The following COL5A2 variants were observed in gnomAD, a reference collection of about 807,000 sequenced individuals.
The protein encoded by COL5A2 is collagen type V alpha 2 chain.
In COL5A2, 23 loss-of-function variants were observed where a neutral mutation model predicts 208.2. That is an observed-to-expected ratio of 0.11 (90% CI 0.08 to 0.16). The LOEUF (loss-of-function observed/expected upper bound fraction) is 0.16, where lower values mean the gene tolerates loss of function less well. Among genes scored for constraint, COL5A2 ranks in the 10% least tolerant of loss-of-function variants. The pLI, the probability that COL5A2 is intolerant of heterozygous loss-of-function variation, is 1.00. For synonymous variants in COL5A2, 625 were observed against 628.5 expected, an observed-to-expected ratio of 0.99 and a Z score of 0.08; for missense variants, 1,590 against 1,956.4, an observed-to-expected ratio of 0.81 and a Z score of 3.53.
At chr2:189,066,808 A>G (rs1559087670) in intron 21 of COL5A2, 26 bp from the exon 22 acceptor site, 1 of 1,584,020 alleles carries the variant, frequency 6.3e-7, no homozygotes. Flanking sequence ...TGATATTTGT[A>G]AGAACCAGGA....
intron 7 of COL5A2, 38 bp downstream of exon 7, chr2:189,092,272 T>C: frequency 8.2e-7 from 1 of 1,213,206 alleles, no homozygotes; most frequent in African/African-American, 1.5e-5. Context: ...ATTTAAAACA[T>C]GACCTGTACG....
intron 13 of COL5A2, 139 bp downstream of exon 13, chr2:189,080,851 T>A (rs1686517982): frequency 1.4e-6 from 1 of 713,842 alleles, no homozygotes; most frequent in Non-Finnish European, 2.5e-6. Context: ...GTGATTTCAG[T>A]AACCACAGAT....
chr2:189,432,855 C>T, the COL5A2 span, among the ~76,000 whole-genome samples: 4 of 152,188 alleles, frequency 2.6e-5, no homozygotes, highest in Admixed American at 2.6e-4. Context: ...CAGAACTCTC[C>T]ACCCCAAATC....
chr2:189,318,837 T>C, the COL5A2 span, among the ~76,000 whole-genome samples: 1 of 152,204 alleles, frequency 6.6e-6, no homozygotes, highest in Admixed American at 6.5e-5. Flanking sequence ...TGAATAGTTT[T>C]GAATTTTGAC....
intron 1 of COL5A2, among the ~76,000 whole-genome samples, chr2:189,151,704 AG>A (rs1350925701): frequency 6.6e-6 from 1 of 152,180 alleles, no homozygotes; most frequent in African/African-American, 2.4e-5. Context: ...AAAACCCACT[AG>A]TGTACCTTCT....
chr2:189,055,735 A>G (rs111669976), intron 35 of COL5A2, among the ~76,000 whole-genome samples: 11 of 152,196 alleles, frequency 7.2e-5, no homozygotes, highest in Non-Finnish European at 1.5e-4. Flanking sequence ...TCCTGCAACA[A>G]TGTAGTGTCC....
chr2:189,204,105 G>A (rs1689113964), intron 1 of COL5A2, among the ~76,000 whole-genome samples: 1 of 152,064 alleles, frequency 6.6e-6, no homozygotes, highest in Non-Finnish European at 1.5e-5. Context: ...CACAATGTTA[G>A]CCAGGATGGT....
At chr2:189,062,342 C>A (rs550945008) in intron 29 of COL5A2, among the ~76,000 whole-genome samples, 1 of 152,056 alleles carries the variant, frequency 6.6e-6, no homozygotes, top group East Asian at 1.9e-4. Flanking sequence ...TGCCACCATG[C>A]CAGGCTAATT....
intron 22 of COL5A2, 35 bp downstream of exon 22, chr2:189,066,694 A>G (rs1490043985): frequency 1.9e-6 from 3 of 1,551,910 alleles, no homozygotes; most frequent in Non-Finnish European, 2.7e-6. Flanking sequence ...AGACAATACT[A>G]TGTTCTACTT....
intron 49 of COL5A2, among the ~76,000 whole-genome samples, chr2:189,041,966 A>C (rs1302404065): frequency 2.0e-5 from 3 of 152,212 alleles, no homozygotes; most frequent in Non-Finnish European, 4.4e-5. Context: ...ACTTTCATTA[A>C]ACCTCACATA....
intron 16 of COL5A2, among the ~76,000 whole-genome samples, chr2:189,076,667 T>C (rs547318769): frequency 3.9e-5 from 6 of 152,164 alleles, no homozygotes; most frequent in Non-Finnish European, 5.9e-5. Context: ...TGCAAGACTA[T>C]GAGAGCTCTT....
chr2:189,118,076 T>C (rs1192770684), intron 1 of COL5A2, among the ~76,000 whole-genome samples: 1 of 152,046 alleles, frequency 6.6e-6, no homozygotes, highest in Non-Finnish European at 1.5e-5. Context: ...CTAGGCCATA[T>C]TGAATACAAA....
chr2:189,339,619 C>T, the COL5A2 span, among the ~76,000 whole-genome samples: 1 of 152,144 alleles, frequency 6.6e-6, no homozygotes, highest in Non-Finnish European at 1.5e-5. Context: ...GTCTCAAATT[C>T]ATCTCCTCAA....
chr2:189,287,814 A>T, the COL5A2 span, among the ~76,000 whole-genome samples: 1 of 152,178 alleles, frequency 6.6e-6, no homozygotes, highest in African/African-American at 2.4e-5. Context: ...TCTTTTTGTT[A>T]CTTTATTTTA....
In COL5A2 at chr2:189,110,247, A is replaced by T. The variant is rs1168166852; in HGVS notation, c.300T>A (p.Pro100=). 6.2e-7 allele frequency: 1 copy of T among 1,613,890 alleles called. No homozygotes were observed. Among genetic ancestry groups the T allele is most frequent in the Non-Finnish European group, 8.5e-7 (1 of 1,179,806 alleles). ...TACCAAAATTGGTATTGCCACCTCC[A>T]GGTGTTTGTGAACAGACAGGACAGC... ...GECCPVCSQT[P]GGGNTNFGRG... is the part of the protein sequence containing the mutation. The change falls in exon 2 of 54, where the codon CCT becomes CCA. Residue 100 remains proline, a synonymous_variant. Transcript: ENST00000374866.
At chr2:189,255,505 T>A in the COL5A2 span, among the ~76,000 whole-genome samples, 15 of 152,198 alleles carry the variant, frequency 9.9e-5, no homozygotes, top group Non-Finnish European at 1.6e-4. Flanking sequence ...TTTGAAAAAT[T>A]CAATATTCTC....
chr2:189,124,551 C>A (rs1687572229), intron 1 of COL5A2, among the ~76,000 whole-genome samples: 1 of 151,992 alleles, frequency 6.6e-6, no homozygotes, highest in African/African-American at 2.4e-5. Flanking sequence ...TTCACTTAAA[C>A]TAAACAGGGG....
intron 1 of COL5A2, among the ~76,000 whole-genome samples, chr2:189,158,237 T>C (rs1300232836): frequency 2.0e-5 from 3 of 152,014 alleles, no homozygotes; most frequent in Admixed American, 1.3e-4. Context: ...ACCAATATTA[T>C]TATTACATAA....
At chr2:189,098,040 C>G (rs1327384739) in intron 5 of COL5A2, among the ~76,000 whole-genome samples, 2 of 151,858 alleles carry the variant, frequency 1.3e-5, no homozygotes, top group Non-Finnish European at 2.9e-5. Flanking sequence ...GTTTTTCCCC[C>G]CCTGGGAAAT....
Sources: gnomAD v4.1 joint callset for allele counts (sites outside exome capture counted in the v4.1 genomes callset) on GRCh38, gnomAD v4.1.1 for gene constraint, MANE v1.5 for transcripts, NCBI Gene and HGNC (gene_info 2026-07-23, HGNC 2026-07-21) for gene names.